The following RBFOX1 variants were observed in gnomAD, a reference collection of about 807,000 sequenced individuals.
RBFOX1 encodes RNA binding protein fox-1 homolog 1.
In RBFOX1, 8 loss-of-function variants were observed where a neutral mutation model predicts 57.7. The ratio of observed to expected loss-of-function variants is 0.14; its 90% CI spans 0.08 to 0.25. The LOEUF is 0.25. RBFOX1 is among the 10% of genes least tolerant of loss of function. The pLI is 1.00. For synonymous variants in RBFOX1, 326 were observed against 222.4 expected, an observed-to-expected ratio of 1.47 and a Z score of -4.15; for missense variants, 611 against 548.5, an observed-to-expected ratio of 1.11 and a Z score of -1.14.
intron 4 of RBFOX1, among the ~76,000 whole-genome samples, chr16:7,158,729 T>A (rs1222296459): frequency 1.1e-5 from 1 of 93,858 alleles, no homozygotes; most frequent in Non-Finnish European, 2.6e-5. Flanking sequence ...TGCATCTGTT[T>A]GGTGTGTGTT....
At chr16:6,983,151 C>G (rs557274285) in intron 3 of RBFOX1, among the ~76,000 whole-genome samples, 1 of 152,014 alleles carries the variant, frequency 6.6e-6, no homozygotes, top group Non-Finnish European at 1.5e-5. Flanking sequence ...TGACAGCTTC[C>G]TAGCAGGGAT....
chr16:5,817,420 G>T (rs1235457776), intron 3 of RBFOX1, among the ~76,000 whole-genome samples: 1 of 152,190 alleles, frequency 6.6e-6, no homozygotes, highest in Non-Finnish European at 1.5e-5. Flanking sequence ...TTTTTACAGT[G>T]CTTGGCACAG....
intron 3 of RBFOX1, among the ~76,000 whole-genome samples, chr16:6,683,718 G>A (rs1407733314): frequency 6.6e-6 from 1 of 152,178 alleles, no homozygotes; most frequent in South Asian, 2.1e-4. Context: ...AGCAGGGTGT[G>A]TGAGATGGTG....
chr16:5,432,851 T>A (rs369617347), intron 1 of RBFOX1, among the ~76,000 whole-genome samples: 4 of 152,062 alleles, frequency 2.6e-5, no homozygotes, highest in Admixed American at 6.6e-5. Flanking sequence ...AGTGGCGCAA[T>A]CTCGGTTCAC....
intron 3 of RBFOX1, among the ~76,000 whole-genome samples, chr16:6,872,744 C>T (rs928116726): frequency 3.9e-5 from 6 of 151,996 alleles, no homozygotes; most frequent in East Asian, 1.9e-4. Flanking sequence ...TTTTGTCCTT[C>T]AGGAGTTAAA....
chr16:6,945,615 G>T (rs986568891), intron 3 of RBFOX1, among the ~76,000 whole-genome samples: 1 of 152,060 alleles, frequency 6.6e-6, no homozygotes, highest in East Asian at 1.9e-4. Context: ...TGCTGGCTAG[G>T]CTCGGTGGCT....
Position 7,713,079 on chromosome 16 carries a change from A to C in RBFOX1, c.*2334A>C, listed in dbSNP as rs548578950. The C allele has an allele frequency of 3.3e-5, 5 of 152,296 alleles. No individual in the cohort carries two copies. In the East Asian group the frequency reaches 7.7e-4, roughly 24 times the overall value. 9.4% of individuals were successfully genotyped at this position (152,296 alleles called of 1,614,324 possible). ...TAAAATGTATGTCAGAGATGTAAAC[A>C]AACATTTTGGATTTTTTTTAAACAG... On this transcript the variant is annotated 3_prime_UTR_variant, in exon 16 of 16. Coordinates refer to ENST00000550418, the MANE Select transcript of RBFOX1 (RefSeq NM_018723.4).
intron 4 of RBFOX1, among the ~76,000 whole-genome samples, chr16:5,966,949 C>G (rs2059855753): frequency 1.6e-5 from 2 of 125,998 alleles, no homozygotes; most frequent in Non-Finnish European, 3.1e-5. Context: ...CAGTCTAACA[C>G]TGATTGAAAT....
Position 5,284,845 on chromosome 16 carries a change from T to C in RBFOX1, c.219+44740T>C, listed in dbSNP as rs1218057398. ...GCTGAGAAATCCCCTGTTAGCCTGA[T>C]GGAGATTCTCTTATAAGGGACTTCA... is the stretch of plus-strand genomic sequence containing the variant. On this transcript the variant is annotated intron_variant, in intron 1 of 2. Transcript: ENST00000585867. 3.3e-5 allele frequency among the ~76,000 whole-genome samples: 5 copies of C among 149,490 alleles called. No homozygotes were observed. The South Asian group carries it at 8.6e-4, about 26-fold the overall frequency.
chr16:5,446,936 T>C (rs2068259561), intron 1 of RBFOX1, among the ~76,000 whole-genome samples: 1 of 152,140 alleles, frequency 6.6e-6, no homozygotes, highest in South Asian at 2.1e-4. Context: ...ATCTGCAACA[T>C]GGATTACTAA....
chr16:7,004,696 C>G (rs1039872319), intron 3 of RBFOX1, among the ~76,000 whole-genome samples: 5 of 152,174 alleles, frequency 3.3e-5, no homozygotes, highest in African/African-American at 9.7e-5. Flanking sequence ...AAAGCCACAT[C>G]ATAACCAGGA....
At chr16:7,608,642 C>T (rs1047214113) in intron 10 of RBFOX1, among the ~76,000 whole-genome samples, 3 of 152,172 alleles carry the variant, frequency 2.0e-5, no homozygotes, top group Non-Finnish European at 2.9e-5. Context: ...ATTCTGCCTC[C>T]CCTACTCACC....
intron 3 of RBFOX1, among the ~76,000 whole-genome samples, chr16:5,839,419 G>T (rs1163590775): frequency 6.6e-6 from 1 of 152,226 alleles, no homozygotes; most frequent in East Asian, 1.9e-4. Flanking sequence ...CCTCTCCACA[G>T]CCACTAAGTG....
At chr16:7,371,027 A>G (rs186035603) in intron 4 of RBFOX1, among the ~76,000 whole-genome samples, 3 of 152,224 alleles carry the variant, frequency 2.0e-5, no homozygotes, top group Admixed American at 2.0e-4. Context: ...ATGTGTCTGT[A>G]TTTTTGACTT....
chr16:5,541,830 C>CCTCT (rs1197726871), intron 2 of RBFOX1, among the ~76,000 whole-genome samples: 1 of 152,030 alleles, frequency 6.6e-6, no homozygotes, highest in East Asian at 1.9e-4. Context: ...ATTGGTTATT[C>CCTCT]CTCTCTTAGT....
intron 3 of RBFOX1, among the ~76,000 whole-genome samples, chr16:6,839,850 A>C (rs1396586222): frequency 6.6e-6 from 1 of 152,208 alleles, no homozygotes; most frequent in Non-Finnish European, 1.5e-5. Flanking sequence ...CTCTGTTCTT[A>C]CGTGATATTT....
At chr16:7,087,896 TTC>T (rs145360066) in intron 4 of RBFOX1, among the ~76,000 whole-genome samples, 1 of 151,468 alleles carries the variant, frequency 6.6e-6, no homozygotes, top group Non-Finnish European at 1.5e-5. Context: ...CTCTTTCTCT[TTC>T]TCTCTCTCTC....
chr16:6,022,753 A>T (rs1016054445), intron 1 of RBFOX1, among the ~76,000 whole-genome samples: 2 of 152,238 alleles, frequency 1.3e-5, no homozygotes, highest in Non-Finnish European at 2.9e-5. Flanking sequence ...TTGTGATAGT[A>T]TTTAATTGTA....
chr16:7,492,928 G>C (rs551564862), intron 4 of RBFOX1, among the ~76,000 whole-genome samples: 68 of 152,120 alleles, frequency 4.5e-4, no homozygotes, highest in Non-Finnish European at 8.4e-4. Context: ...CCCCAGGCTG[G>C]AGTGCAGTGG....
Sources: allele counts gnomAD v4.1 joint callset (sites outside exome capture counted in the v4.1 genomes callset), GRCh38; gene constraint gnomAD v4.1.1; transcripts MANE v1.5; gene names NCBI Gene and HGNC (gene_info 2026-07-23, HGNC 2026-07-21).